EGFLAM: variants seen among roughly 807,000 people sequenced by gnomAD.
EGFLAM encodes the protein EGF like, fibronectin type III and laminin G domains.
A neutral mutation model predicts 113.1 loss-of-function variants in EGFLAM; 79 were observed. That is an observed-to-expected ratio of 0.70 (90% CI 0.58 to 0.84). The LOEUF (loss-of-function observed/expected upper bound fraction) is 0.84. Ranked by LOEUF, EGFLAM falls within the 40% of genes least tolerant of loss-of-function variation. The pLI, the probability that EGFLAM is intolerant of heterozygous loss-of-function variation, is 0.00. For missense variants in EGFLAM, 1,265 were observed against 1,291.6 expected (o/e 0.98, Z 0.32); for synonymous variants, 504 against 487.6 (o/e 1.03, Z -0.44).
chr5:38,412,710 G>A (rs936967215), intron 11 of EGFLAM, 62 bp downstream of exon 11: 4 of 1,581,024 alleles, frequency 2.5e-6, no homozygotes, highest in Non-Finnish European at 8.6e-7. Context: ...CTCCTGAGAA[G>A]GGCTTACTGC....
intron 2 of EGFLAM, 24 bp from the exon 3 acceptor site, chr5:38,338,674 C>T (rs971975831): frequency 1.9e-6 from 3 of 1,612,166 alleles, no homozygotes; most frequent in East Asian, 2.2e-5. Flanking sequence ...TCTGCTCTCA[C>T]CAGGGTGTCT....
At chr5:38,352,653 A>G (rs967929114) in intron 5 of EGFLAM, among the ~76,000 whole-genome samples, 3 of 152,052 alleles carry the variant, frequency 2.0e-5, no homozygotes, top group African/African-American at 4.8e-5. Flanking sequence ...TCCCAAAAAA[A>G]AAAAAAAAGC....
Position 38,424,904 on chromosome 5 carries a change from G to A in EGFLAM, c.1685-63G>A, listed in dbSNP as rs2112183908. On this transcript the variant is annotated intron_variant, in intron 12 of 21. Coordinates refer to ENST00000322350, the MANE Select transcript of EGFLAM (RefSeq NM_152403.4). ...GAACCATGAGCTGCTGGTGGGGTCA[G>A]CGCCACTGTGTTGGACTGGCACACA... is the stretch of plus-strand genomic sequence containing the variant. 3 of 1,589,134 alleles carry A rather than the reference G, an allele frequency of 1.9e-6. No individual in the cohort carries two copies. In the African/African-American group the frequency reaches 4.0e-5, roughly 21 times the overall value.
chr5:38,282,609 T>C (rs947475279), intron 1 of EGFLAM: 1 of 148,722 alleles, frequency 6.7e-6, no homozygotes, highest in Admixed American at 6.8e-5. Flanking sequence ...TAGCTGGAAA[T>C]GGTGAGGCCC....
At chr5:38,425,919 G>A (rs555680796) in intron 13 of EGFLAM, among the ~76,000 whole-genome samples, 2 of 152,214 alleles carry the variant, frequency 1.3e-5, no homozygotes, top group Admixed American at 1.3e-4. Context: ...CGAGGCCAAC[G>A]TGGTGAAACT....
chr5:38,376,372 A>G (rs904034671), intron 6 of EGFLAM, among the ~76,000 whole-genome samples: 1 of 152,244 alleles, frequency 6.6e-6, no homozygotes, highest in Non-Finnish European at 1.5e-5. Context: ...CTAGGGTTAT[A>G]TAACTTCCCC....
chr5:38,322,260 G>A (rs78037719), intron 1 of EGFLAM, among the ~76,000 whole-genome samples: 3,889 of 152,316 alleles, frequency 0.026, 190 homozygotes, highest in African/African-American at 0.089. Flanking sequence ...AGAAGGACAC[G>A]CCCAGGGACA....
At chr5:38,300,612 G>A (rs535066218) in intron 1 of EGFLAM, among the ~76,000 whole-genome samples, 6 of 152,254 alleles carry the variant, frequency 3.9e-5, no homozygotes, top group African/African-American at 1.4e-4. Context: ...CTGATATAAA[G>A]TGATCACCCA....
intron 11 of EGFLAM, among the ~76,000 whole-genome samples, chr5:38,414,201 A>G (rs534714366): frequency 6.6e-6 from 1 of 152,362 alleles, no homozygotes; most frequent in East Asian, 1.9e-4. Flanking sequence ...ATTCAAATTT[A>G]GTAAATGTGA....
rs367692736 is a variant in EGFLAM, at chr5:38,393,777, C to A, written c.713-12349C>A. 4.3e-4 allele frequency among the ~76,000 whole-genome samples: 66 copies of A among 152,338 alleles called. No homozygotes were observed. The South Asian group carries it at 0.014, about 32-fold the overall frequency. On this transcript the variant is annotated intron_variant, in intron 6 of 21. Transcript: ENST00000322350. ...CCCGCAGCAGCGTCCAAGCATGTTA[C>A]CACCAATGCTCTTTCAGCTGTGCCA... is the stretch of plus-strand genomic sequence containing the variant.
At chr5:38,295,692 A>G (rs1205390135) in intron 1 of EGFLAM, among the ~76,000 whole-genome samples, 2 of 152,192 alleles carry the variant, frequency 1.3e-5, no homozygotes, top group African/African-American at 4.8e-5. Flanking sequence ...AATAACAATA[A>G]AGTAAGATTA....
chr5:38,359,176 G>T (rs528840799), intron 5 of EGFLAM, among the ~76,000 whole-genome samples: 1 of 152,156 alleles, frequency 6.6e-6, no homozygotes, highest in Non-Finnish European at 1.5e-5. Flanking sequence ...CTGGAAAAAC[G>T]TTCCTCATCA....
intron 6 of EGFLAM, among the ~76,000 whole-genome samples, chr5:38,379,437 G>A (rs1740451170): frequency 6.6e-6 from 1 of 151,684 alleles, no homozygotes. Flanking sequence ...GTGACAGATA[G>A]CCCATGACAG....
chr5:38,435,378 A>C, intron 16 of EGFLAM, 125 bp downstream of exon 16: 1 of 758,958 alleles, frequency 1.3e-6, no homozygotes, highest in Middle Eastern at 2.8e-4. Flanking sequence ...AACATTTTTA[A>C]AAATTTCTAT....
chr5:38,327,044 C>A (rs1209644300), intron 1 of EGFLAM, among the ~76,000 whole-genome samples: 3 of 152,106 alleles, frequency 2.0e-5, no homozygotes, highest in Admixed American at 6.5e-5. Flanking sequence ...GTGATCCACC[C>A]ACCTCAGCCT....
chr5:38,329,322 TAAA>T (rs1561280467), intron 1 of EGFLAM, among the ~76,000 whole-genome samples: 2 of 151,106 alleles, frequency 1.3e-5, no homozygotes, highest in South Asian at 2.1e-4. Flanking sequence ...AATAAATAAA[TAAA>T]TAAATAAATA....
chr5:38,440,153 A>T (rs1181735305), intron 17 of EGFLAM, among the ~76,000 whole-genome samples: 2 of 152,218 alleles, frequency 1.3e-5, no homozygotes, highest in Admixed American at 1.3e-4. Flanking sequence ...GGAATGGATG[A>T]CGGCAGAGGG....
chr5:38,427,084 A>G lies in EGFLAM; in HGVS notation c.1886A>G (p.Gln629Arg). 1 of 1,614,088 alleles carries G rather than the reference A, an allele frequency of 6.2e-7. No homozygotes were observed. The highest frequency in any genetic ancestry group is 8.5e-7 in the Non-Finnish European group (1 of 1,180,010). ...GCAACTCCCTGGCCACTGGAGCCCC[A>G]GCATTACCTTTCCTTCATGGAATTT... is the stretch of plus-strand genomic sequence containing the variant. ...YAATPWPLEP[Q>R]HYLSFMEFEI... Residue 629 changes from glutamine (Q) to arginine (R), a missense_variant, in exon 14 of 22, where the codon CAG becomes CGG. Coordinates refer to ENST00000322350, the MANE Select transcript of EGFLAM (RefSeq NM_152403.4).
chr5:38,397,878 G>A (rs1741003539), intron 6 of EGFLAM, among the ~76,000 whole-genome samples: 1 of 152,214 alleles, frequency 6.6e-6, no homozygotes, highest in Non-Finnish European at 1.5e-5. Context: ...AGGGAGCTGA[G>A]GTTAAAATAT....
Sources: gnomAD v4.1 joint callset for allele counts (sites outside exome capture counted in the v4.1 genomes callset) on GRCh38, gnomAD v4.1.1 for gene constraint, MANE v1.5 for transcripts, NCBI Gene and HGNC (gene_info 2026-07-23, HGNC 2026-07-21) for gene names.